CDH11: variants seen among roughly 807,000 people sequenced by gnomAD.
CDH11 encodes the protein cadherin 11.
Under a neutral mutation model 67.8 loss-of-function variants are expected in CDH11, and 11 were observed. That is an observed-to-expected ratio of 0.16 (90% confidence interval 0.10 to 0.27). CDH11 has a LOEUF of 0.27. Among genes scored for constraint, CDH11 ranks in the 10% least tolerant of loss-of-function variants. The pLI is 1.00. For synonymous variants in CDH11, 419 were observed against 400.0 expected (o/e 1.05, Z -0.57); for missense variants, 847 against 1,031.2 (o/e 0.82, Z 2.45).
chr16:65,114,367 C>T (rs1474443761), intron 1 of CDH11, among the ~76,000 whole-genome samples: 1 of 152,102 alleles, frequency 6.6e-6, no homozygotes, highest in African/African-American at 2.4e-5. Flanking sequence ...AGACACGCAC[C>T]AAAAACAGTG....
At chr16:64,962,423 T>TA (rs1306069056) in intron 11 of CDH11, among the ~76,000 whole-genome samples, 2 of 152,076 alleles carry the variant, frequency 1.3e-5, no homozygotes, top group Admixed American at 1.3e-4. Flanking sequence ...GAATCGAACT[T>TA]ACTAGATTAG....
chr16:65,059,217 C>T (rs964055871), intron 1 of CDH11, among the ~76,000 whole-genome samples: 14 of 152,252 alleles, frequency 9.2e-5, no homozygotes, highest in East Asian at 1.9e-4. Context: ...GTCCTCTGCT[C>T]ATCCCTTCCT....
intron 2 of CDH11, among the ~76,000 whole-genome samples, chr16:65,042,597 A>T (rs1340079757): frequency 6.6e-6 from 1 of 152,180 alleles, no homozygotes; most frequent in Non-Finnish European, 1.5e-5. Flanking sequence ...CAAAATTTGC[A>T]TCTGGATTTT....
chr16:65,076,153 A>G (rs1313296537), intron 1 of CDH11, among the ~76,000 whole-genome samples: 1 of 152,174 alleles, frequency 6.6e-6, no homozygotes, highest in Admixed American at 6.5e-5. Flanking sequence ...TTTCAGCAAG[A>G]GGATCCCAAA....
intron 2 of CDH11, among the ~76,000 whole-genome samples, chr16:65,028,463 C>T (rs981133274): frequency 6.6e-6 from 1 of 152,094 alleles, no homozygotes; most frequent in Admixed American, 6.6e-5. Flanking sequence ...CAGATCTACA[C>T]CCTTAGAGTT....
chr16:64,966,084 C>T (rs1295232570), intron 11 of CDH11, among the ~76,000 whole-genome samples: 1 of 151,744 alleles, frequency 6.6e-6, no homozygotes, highest in Non-Finnish European at 1.5e-5. Flanking sequence ...GAGTTGAAAC[C>T]TCAAAAGCCA....
chr16:65,011,577 T>C (rs1267614405), intron 2 of CDH11, among the ~76,000 whole-genome samples: 2 of 152,190 alleles, frequency 1.3e-5, no homozygotes, highest in Non-Finnish European at 2.9e-5. Flanking sequence ...AATGATAACA[T>C]GATTAAGTAC....
intron 1 of CDH11, among the ~76,000 whole-genome samples, chr16:65,103,059 T>G (rs1030456717): frequency 6.6e-6 from 1 of 152,206 alleles, no homozygotes; most frequent in African/African-American, 2.4e-5. Flanking sequence ...TGCACATTCA[T>G]GCAGGTGCCT....
At chr16:65,093,460 T>G (rs573739497) in intron 1 of CDH11, among the ~76,000 whole-genome samples, 1 of 152,096 alleles carries the variant, frequency 6.6e-6, no homozygotes, top group Non-Finnish European at 1.5e-5. Flanking sequence ...AAACTTGGAA[T>G]AGTGGGGTGG....
chr16:65,078,323 G>A (rs1013868316), intron 1 of CDH11, among the ~76,000 whole-genome samples: 2 of 152,120 alleles, frequency 1.3e-5, no homozygotes, highest in South Asian at 2.1e-4. Flanking sequence ...TGTGTTTACC[G>A]AGCTCAAACG....
chr16:65,009,332 C>T (rs199930398), intron 2 of CDH11, among the ~76,000 whole-genome samples: 70 of 152,200 alleles, frequency 4.6e-4, no homozygotes, highest in Non-Finnish European at 7.8e-4. Context: ...CCATCAATAA[C>T]CATCAATAAC....
At position 64,977,786 on chromosome 16, in the gene CDH11, A is replaced by G. The variant is rs150583306; in HGVS notation, c.1253+4262T>C. ...GAGCCTCACTCTTCCCACCTGTTCA[A>G]TTCTAGAGCAGTCATAGCCACAAAG... On this transcript the variant is annotated intron_variant, in intron 8 of 12. Coordinates refer to ENST00000268603, the MANE Select transcript of CDH11 (RefSeq NM_001797.4). Among the ~76,000 whole-genome samples, 134 of 152,340 alleles carry G rather than the reference A, an allele frequency of 8.8e-4. 1 individual carries two copies. Among genetic ancestry groups the G allele is most frequent in the African/African-American group, 2.8e-3 (117 of 41,586 alleles).
At chr16:65,003,954 G>A (rs2072986654) in intron 3 of CDH11, among the ~76,000 whole-genome samples, 1 of 152,206 alleles carries the variant, frequency 6.6e-6, no homozygotes, top group Non-Finnish European at 1.5e-5. Flanking sequence ...ATGATAAAGG[G>A]TCCAAAGGAG....
In CDH11 at chr16:64,944,665, C is replaced by A. The variant is rs1366470076; in HGVS notation, c.*2938G>T. 1 of 231,492 alleles carries A rather than the reference C, an allele frequency of 4.3e-6. No homozygotes were observed. Among genetic ancestry groups the A allele is most frequent in the Non-Finnish European group, 8.5e-6 (1 of 117,014 alleles). 14.3% of individuals were successfully genotyped at this position (231,492 alleles called of 1,614,324 possible). A position where few individuals can be genotyped will look rare whatever the true frequency, so the allele number is the denominator to read the frequency against. On this transcript the variant is annotated 3_prime_UTR_variant, in exon 13 of 13. Coordinates refer to ENST00000268603, the MANE Select transcript of CDH11 (RefSeq NM_001797.4). ...ATCTCTATATTTTTAAGCAATTCTC[C>A]AAGAGGTGCAAATAAACTACTCTTT...
At chr16:65,076,889 T>C (rs563657003) in intron 1 of CDH11, among the ~76,000 whole-genome samples, 1 of 152,174 alleles carries the variant, frequency 6.6e-6, no homozygotes, top group South Asian at 2.1e-4. Flanking sequence ...TAGTATTCCA[T>C]GGTGTATATG....
At chr16:65,116,342 T>C (rs752160407) in intron 1 of CDH11, among the ~76,000 whole-genome samples, 2 of 152,194 alleles carry the variant, frequency 1.3e-5, no homozygotes, top group Non-Finnish European at 2.9e-5. Context: ...ATGAGATCTC[T>C]ACGTGTCTTA....
intron 2 of CDH11, among the ~76,000 whole-genome samples, chr16:65,032,607 C>A (rs768747255): frequency 6.6e-6 from 1 of 152,068 alleles, no homozygotes; most frequent in Non-Finnish European, 1.5e-5. Context: ...ATGTGCCAAG[C>A]GTTCTCTAAG....
chr16:64,982,051 A>G lies in CDH11; in HGVS notation c.1250T>C (p.Ile417Thr). 8.1e-6 allele frequency: 13 copies of G among 1,611,490 alleles called. No individual in the cohort carries two copies. Among genetic ancestry groups the G allele is most frequent in the Non-Finnish European group, 1.0e-5 (12 of 1,178,616 alleles). ...CTTAAAATAAATCCGTCTGTACCTT[A>G]TCGGGCTGTTGGCAGCATCAGGGTC... ...AKDPDAANSPIRYSIDRHTDL... is the reference protein window; with the variant it reads ...AKDPDAANSPTRYSIDRHTDL... Residue 417 changes from isoleucine (I) to threonine (T), a missense_variant, in exon 8 of 13, where the codon ATA (isoleucine) becomes ACA (threonine). Transcript: ENST00000268603.
intron 2 of CDH11, among the ~76,000 whole-genome samples, chr16:65,021,875 A>AG (rs1597102259): frequency 1.1e-5 from 1 of 90,880 alleles, no homozygotes; most frequent in Admixed American, 1.3e-4. Context: ...AAAGTAACTC[A>AG]GAAAAAAAAA....
Sources: allele counts gnomAD v4.1 joint callset (sites outside exome capture counted in the v4.1 genomes callset), GRCh38; gene constraint gnomAD v4.1.1; transcripts MANE v1.5; gene names NCBI Gene and HGNC (gene_info 2026-07-23, HGNC 2026-07-21).